Variants in VWDE observed in about 807,000 individuals in gnomAD.
VWDE encodes the protein von Willebrand factor D and EGF domains, also known as von Willebrand factor D and EGF domain-containing protein.
A neutral mutation model predicts 178.4 loss-of-function variants in VWDE; 207 were observed. The ratio of observed to expected loss-of-function variants is 1.16; its 90% CI spans 1.04 to 1.30. The LOEUF is 1.30. Among genes scored for constraint, VWDE ranks in the 50% most tolerant of loss-of-function variants. VWDE has a pLI of 0.00. For missense variants in VWDE, 2,287 were observed against 1,901.3 expected, an observed-to-expected ratio of 1.20 and a Z score of -3.77; for synonymous variants, 738 against 651.4, an observed-to-expected ratio of 1.13 and a Z score of -2.02.
At chr7:12,343,936 C>T (rs962072964) in intron 21 of VWDE, among the ~76,000 whole-genome samples, 1 of 152,030 alleles carries the variant, frequency 6.6e-6, no homozygotes, top group Non-Finnish European at 1.5e-5. Context: ...AACTAAACCT[C>T]AAATCATTTC....
At chr7:12,333,644 G>A (rs372973314) in intron 27 of VWDE, 76 bp from the exon 28 acceptor site, 3 of 965,308 alleles carry the variant, frequency 3.1e-6, no homozygotes, top group East Asian at 5.3e-5. Flanking sequence ...TAGTGGTCTG[G>A]GGCTATCTGG....
intron 7 of VWDE, among the ~76,000 whole-genome samples, chr7:12,376,857 C>A (rs1783556526): frequency 6.6e-6 from 1 of 152,026 alleles, no homozygotes. Flanking sequence ...TTAGCCATCT[C>A]TTTTCTTGAG....
Position 12,350,125 on chromosome 7 carries a change from G to A in VWDE, c.3886+1448C>T, listed in dbSNP as rs565390218. ...AAAAGAGATGAAAAGTATTATAAATGTTTTATTAAAGTGGCATAATCATAT... is the reference window on the plus strand; with the variant it reads ...AAAAGAGATGAAAAGTATTATAAATATTTTATTAAAGTGGCATAATCATAT... On this transcript the variant is annotated intron_variant, in intron 19 of 28. Coordinates refer to ENST00000275358, the MANE Select transcript of VWDE (RefSeq NM_001135924.3). Among the ~76,000 whole-genome samples, 5 of 151,970 alleles carry A rather than the reference G, an allele frequency of 3.3e-5. No individual in the cohort carries two copies. The South Asian group carries it at 8.3e-4, about 25-fold the overall frequency.
chr7:12,378,977 G>A (rs1052623022), intron 6 of VWDE, among the ~76,000 whole-genome samples: 22 of 152,138 alleles, frequency 1.4e-4, no homozygotes, highest in African/African-American at 5.3e-4. Flanking sequence ...TTAATTCCCT[G>A]TCATCTCTGC....
chr7:12,343,184 G>A lies in VWDE; in HGVS notation c.4079-6C>T. The stretch of plus-strand genomic sequence containing the variant: ...ACAAGGTGGGTTACAATGTTCTGCA[G>A]AAACAGATTATGTTATTATGTCAGT... On this transcript the variant is annotated splice_region_variant and splice_polypyrimidine_tract_variant and intron_variant, in intron 21 of 28. Transcript: ENST00000275358. 1 of 1,543,566 alleles carries A rather than the reference G, an allele frequency of 6.5e-7. No individual in the cohort carries two copies. The highest frequency in any genetic ancestry group is 8.8e-7 in the Non-Finnish European group (1 of 1,141,276).
At position 12,337,028 on chromosome 7, in the gene VWDE, G is replaced by A; in HGVS notation, c.4518C>T (p.Cys1506=). Residue 1506 remains cysteine (C), a synonymous_variant, in exon 26 of 29, where the codon TGC becomes TGT. Coordinates refer to ENST00000275358, the MANE Select transcript of VWDE (RefSeq NM_001135924.3). The part of the protein sequence containing the change: ...NGGKCVGPST[C]SCPSGWSGKR... ...TCCCACTCCAACCAGAAGGACAAGAGCAAGTGCTTGGTCCCACACATTTTC... is the reference window on the plus strand; with the variant it reads ...TCCCACTCCAACCAGAAGGACAAGAACAAGTGCTTGGTCCCACACATTTTC... The A allele has an allele frequency of 6.4e-7, 1 of 1,551,552 alleles. No individual in the cohort carries two copies. Among genetic ancestry groups the A allele is most frequent in the Non-Finnish European group, 8.7e-7 (1 of 1,146,918 alleles).
intron 23 of VWDE, among the ~76,000 whole-genome samples, chr7:12,340,709 A>G (rs376959977): frequency 2.2e-3 from 330 of 152,322 alleles, no homozygotes; most frequent in African/African-American, 7.5e-3. Flanking sequence ...CTCCTGCTCT[A>G]TCAAGAATGT....
chr7:12,373,363 A>G, intron 9 of VWDE, 116 bp from the exon 10 acceptor site: 1 of 1,063,348 alleles, frequency 9.4e-7, no homozygotes, highest in Non-Finnish European at 1.4e-6. Flanking sequence ...CACTGAAGGA[A>G]ACAAAGTAGT....
In VWDE at chr7:12,380,801, A is replaced by C. The variant is rs533902731; in HGVS notation, c.542-68T>G. 2.7e-6 allele frequency: 4 copies of C among 1,504,552 alleles called. No individual in the cohort carries two copies. The South Asian group carries it at 3.8e-5, about 14-fold the overall frequency. 93.2% of individuals were successfully genotyped at this position (1,504,552 alleles called of 1,614,324 possible). A position where few individuals can be genotyped will look rare whatever the true frequency, so the allele number is the denominator to read the frequency against. On this transcript the variant is annotated intron_variant, in intron 4 of 28. Coordinates refer to ENST00000275358, the MANE Select transcript of VWDE (RefSeq NM_001135924.3). Reference sequence around the variant, plus strand: ...ATGGAGACTGGCTTATGGAAAAAGCACTCAAAGACTATAACTCTGTGGTTT... The same window carrying C: ...ATGGAGACTGGCTTATGGAAAAAGCCCTCAAAGACTATAACTCTGTGGTTT...
chr7:12,343,788 A>G (rs1413082744), intron 21 of VWDE, among the ~76,000 whole-genome samples: 1 of 152,172 alleles, frequency 6.6e-6, no homozygotes, highest in Admixed American at 6.6e-5. Context: ...TTACAAATTC[A>G]CTTTTTAGGT....
rs904933417 is a variant in VWDE at position 12,333,575 on chromosome 7, T to A, written c.4655-7A>T. The stretch of plus-strand genomic sequence containing the variant: ...CATTTTGGGTTGCAAATTGCTGCAA[T>A]ACACAAATTTTTACAATGACCATCC... On this transcript the variant is annotated splice_polypyrimidine_tract_variant and splice_region_variant and intron_variant, in intron 27 of 28. Coordinates refer to ENST00000275358, the MANE Select transcript of VWDE (RefSeq NM_001135924.3). 49 of 1,540,386 alleles carry A rather than the reference T, an allele frequency of 3.2e-5. No homozygotes were observed. The highest frequency in any genetic ancestry group is 4.0e-5 in the Non-Finnish European group (46 of 1,137,040).
intron 19 of VWDE, among the ~76,000 whole-genome samples, chr7:12,345,819 TC>T (rs1389639513): frequency 1.3e-5 from 2 of 152,138 alleles, no homozygotes; most frequent in African/African-American, 4.8e-5. Flanking sequence ...TACTGAATTA[TC>T]CATTTGGGCT....
chr7:12,381,170 T>C (rs1300363120), intron 4 of VWDE, among the ~76,000 whole-genome samples: 1 of 152,212 alleles, frequency 6.6e-6, no homozygotes, highest in Non-Finnish European at 1.5e-5. Flanking sequence ...ACTCAACTTA[T>C]CATTACTCTG....
chr7:12,367,190 A>G (rs1782905908), intron 13 of VWDE, among the ~76,000 whole-genome samples, 167 bp downstream of exon 13: 1 of 152,086 alleles, frequency 6.6e-6, no homozygotes, highest in African/African-American at 2.4e-5. Context: ...AATAAAGTTA[A>G]CAAAGAAGCG....
chr7:12,383,678 T>C, intron 3 of VWDE, 77 bp from the exon 4 acceptor site: 1 of 1,202,394 alleles, frequency 8.3e-7, no homozygotes, highest in Admixed American at 2.1e-5. Flanking sequence ...AGATGACAAT[T>C]TATTGAAGGA....
intron 13 of VWDE, among the ~76,000 whole-genome samples, chr7:12,366,050 G>A (rs7796485): frequency 0.095 from 14,385 of 151,972 alleles, 918 homozygotes; most frequent in Non-Finnish European, 0.14. Context: ...AAGTGGCAGC[G>A]TCCCTCTTAA....
chr7:12,379,226 C>T (rs553204599), intron 6 of VWDE, among the ~76,000 whole-genome samples: 1 of 152,288 alleles, frequency 6.6e-6, no homozygotes, highest in Non-Finnish European at 1.5e-5. Flanking sequence ...AGGAATAGAC[C>T]TTCTGCTTTA....
chr7:12,337,325 T>C (rs1195763472), intron 24 of VWDE, 53 bp from the exon 25 acceptor site: 6 of 1,370,280 alleles, frequency 4.4e-6, no homozygotes, highest in Admixed American at 3.9e-5. Context: ...CATTACTACA[T>C]ATGATACATT....
chr7:12,360,517 T>A (rs915104325), intron 15 of VWDE, among the ~76,000 whole-genome samples: 1 of 152,180 alleles, frequency 6.6e-6, no homozygotes, highest in African/African-American at 2.4e-5. Context: ...AAAATAATAC[T>A]TTAAAATTTT....
Sources: allele counts gnomAD v4.1 joint callset (sites outside exome capture counted in the v4.1 genomes callset), GRCh38; gene constraint gnomAD v4.1.1; transcripts MANE v1.5; gene names NCBI Gene and HGNC (gene_info 2026-07-23, HGNC 2026-07-21).